Variants in BRINP3 observed in about 807,000 individuals in gnomAD.
BRINP3 encodes the protein BMP/retinoic acid inducible neural specific 3, also known as BMP/retinoic acid-inducible neural-specific protein 3.
Under a neutral mutation model 71.0 loss-of-function variants are expected in BRINP3, and 19 were observed. The ratio of observed to expected loss-of-function variants is 0.27; its 90% CI spans 0.19 to 0.39. The LOEUF is 0.39. Ranked by LOEUF, BRINP3 falls within the 10% of genes least tolerant of loss-of-function variation. The probability of loss-of-function intolerance (pLI) is 1.00; values close to 1 mark genes in which losing one functional copy is unlikely to be tolerated. For missense variants in BRINP3, 959 were observed against 940.8 expected (o/e 1.02, Z -0.25); for synonymous variants, 380 against 337.7 (o/e 1.13, Z -1.37).
At chr1:190,184,841 C>A (rs1467236893) in intron 6 of BRINP3, among the ~76,000 whole-genome samples, 1 of 151,932 alleles carries the variant, frequency 6.6e-6, no homozygotes, top group East Asian at 1.9e-4. Flanking sequence ...CAGCATCAAG[C>A]AATACACCCA....
Position 190,246,307 on chromosome 1 carries a change from C to A in BRINP3, c.619-11830G>T, listed in dbSNP as rs60714979. On this transcript the variant is annotated intron_variant, in intron 4 of 7. Transcript: ENST00000367462. ...ACCAGAATCCCAGAGGAACTTTGTA[C>A]CTTCATGGTACCTCTGGGACTTCAT... Among the ~76,000 whole-genome samples the A allele has an allele frequency of 6.2e-3, 935 of 151,998 alleles. 9 individuals carry two copies. Among genetic ancestry groups the A allele is most frequent in the African/African-American group, 0.021 (873 of 41,478 alleles).
At chr1:190,203,647 C>T (rs958570945) in intron 6 of BRINP3, among the ~76,000 whole-genome samples, 2 of 148,204 alleles carry the variant, frequency 1.3e-5, no homozygotes, top group Admixed American at 6.8e-5. Flanking sequence ...GATTGTTGAA[C>T]AGATGTAGTT....
At chr1:190,453,403 TAG>T (rs1472040242) in intron 2 of BRINP3, among the ~76,000 whole-genome samples, 2 of 151,538 alleles carry the variant, frequency 1.3e-5, no homozygotes, top group African/African-American at 4.9e-5. Flanking sequence ...GTATTTTTAG[TAG>T]AGACGGGGTT....
chr1:190,299,430 T>A (rs545391651), intron 2 of BRINP3, among the ~76,000 whole-genome samples: 514 of 150,992 alleles, frequency 3.4e-3, no homozygotes, highest in African/African-American at 0.012. Flanking sequence ...ATATATATAT[T>A]TATTTATTTA....
chr1:190,346,880 G>C (rs774117112), intron 2 of BRINP3, among the ~76,000 whole-genome samples: 1 of 152,022 alleles, frequency 6.6e-6, no homozygotes, highest in African/African-American at 2.4e-5. Context: ...ACAAGAAATA[G>C]TGAATACCTT....
intron 2 of BRINP3, among the ~76,000 whole-genome samples, chr1:190,429,494 T>C (rs1378761723): frequency 6.6e-6 from 1 of 152,148 alleles, no homozygotes; most frequent in Admixed American, 6.6e-5. Flanking sequence ...TTGCACTGTT[T>C]GTTTGTAGTA....
At chr1:190,370,787 C>T (rs1427836107) in intron 2 of BRINP3, among the ~76,000 whole-genome samples, 1 of 152,118 alleles carries the variant, frequency 6.6e-6, no homozygotes, top group Admixed American at 6.5e-5. Context: ...TCACTTTTCT[C>T]TACATTCTCA....
At chr1:190,415,610 T>A (rs756458036) in intron 2 of BRINP3, among the ~76,000 whole-genome samples, 38 of 152,192 alleles carry the variant, frequency 2.5e-4, no homozygotes, top group Non-Finnish European at 4.9e-4. Context: ...ATTCAGATTT[T>A]AAAAAATCTT....
At chr1:190,306,915 T>C (rs1665141633) in intron 2 of BRINP3, among the ~76,000 whole-genome samples, 2 of 152,050 alleles carry the variant, frequency 1.3e-5, no homozygotes, top group Admixed American at 1.3e-4. Context: ...TATTTACAAT[T>C]GTTCAAATTT....
chr1:190,234,521 C>A (rs1451189749), intron 4 of BRINP3, 44 bp from the exon 5 acceptor site: 5 of 1,454,148 alleles, frequency 3.4e-6, no homozygotes. Flanking sequence ...TCAGACTTTA[C>A]AATGTCCTTT....
chr1:190,114,465 T>G (rs973687547), intron 7 of BRINP3, among the ~76,000 whole-genome samples: 1 of 152,064 alleles, frequency 6.6e-6, no homozygotes, highest in African/African-American at 2.4e-5. Context: ...TATAGTAGTA[T>G]TATCCAAAGG....
At chr1:190,407,746 T>A (rs565293586) in intron 2 of BRINP3, among the ~76,000 whole-genome samples, 1 of 152,148 alleles carries the variant, frequency 6.6e-6, no homozygotes, top group African/African-American at 2.4e-5. Context: ...TTGTACCTAA[T>A]AACTTAAAAT....
rs1293262799 is a variant in BRINP3, at chr1:190,148,437, CA to C, written c.1184+12230del. Among the ~76,000 whole-genome samples the C allele has an allele frequency of 4.7e-5, 7 of 149,652 alleles. No homozygotes were observed. In the South Asian group the frequency reaches 6.3e-4, roughly 14 times the overall value. On this transcript the variant is annotated intron_variant, in intron 7 of 7. Coordinates refer to ENST00000367462, the MANE Select transcript of BRINP3 (RefSeq NM_199051.3). ...AGAAACCCCATCTCTACTAAAAATA[CA>C]AAAAAAAACTAGCCGGGCGTGGTGG...
intron 2 of BRINP3, among the ~76,000 whole-genome samples, chr1:190,363,466 CCAAGAGAGG>C (rs1342720743): frequency 1.3e-5 from 2 of 151,954 alleles, no homozygotes; most frequent in Non-Finnish European, 2.9e-5. Context: ...AAATATATAA[CCAAGAGAGG>C]CAAGATATGA....
chr1:190,442,002 A>G (rs1571321141), intron 2 of BRINP3, among the ~76,000 whole-genome samples: 1 of 152,150 alleles, frequency 6.6e-6, no homozygotes, highest in African/African-American at 2.4e-5. Context: ...GAGTAGATAC[A>G]TTTTAATGTC....
At chr1:190,108,528 C>T (rs1175757690) in intron 7 of BRINP3, among the ~76,000 whole-genome samples, 1 of 150,780 alleles carries the variant, frequency 6.6e-6, no homozygotes, top group Non-Finnish European at 1.5e-5. Flanking sequence ...ATTTTTCTAA[C>T]AATTTAATAT....
chr1:190,423,427 G>A (rs1673505350), intron 2 of BRINP3, among the ~76,000 whole-genome samples: 1 of 151,738 alleles, frequency 6.6e-6, no homozygotes, highest in African/African-American at 2.4e-5. Context: ...TAAAGTCAGT[G>A]AGAAAGTATT....
At chr1:190,203,830 G>T (rs1655256080) in intron 6 of BRINP3, among the ~76,000 whole-genome samples, 2 of 104,788 alleles carry the variant, frequency 1.9e-5, no homozygotes, top group African/African-American at 6.9e-5. Context: ...AAAACAAAGG[G>T]CACGTTGGCA....
chr1:190,193,849 A>G (rs1165422917), intron 6 of BRINP3, among the ~76,000 whole-genome samples: 1 of 152,086 alleles, frequency 6.6e-6, no homozygotes, highest in African/African-American at 2.4e-5. Context: ...CGTAAAAAAT[A>G]TAGGGCTCCT....
Sources: gnomAD v4.1 joint callset for allele counts (sites outside exome capture counted in the v4.1 genomes callset) on GRCh38, gnomAD v4.1.1 for gene constraint, MANE v1.5 for transcripts, NCBI Gene and HGNC (gene_info 2026-07-23, HGNC 2026-07-21) for gene names.